MUC5AC: variants seen among roughly 807,000 people sequenced by gnomAD.
MUC5AC encodes the protein mucin-5AC.
Under a neutral mutation model 169.7 loss-of-function variants are expected in MUC5AC, and 158 were observed. The ratio of observed to expected loss-of-function variants is 0.93; its 90% confidence interval spans 0.82 to 1.06. MUC5AC has a LOEUF of 1.06. Among genes scored for constraint, MUC5AC ranks in the 50% least tolerant of loss-of-function variants. The probability of loss-of-function intolerance (pLI) is 0.00; values close to 1 mark genes in which losing one functional copy is unlikely to be tolerated. For missense variants in MUC5AC, 4,359 were observed against 3,089.9 expected, an observed-to-expected ratio of 1.41 and a Z score of -9.74; for synonymous variants, 1,975 against 1,237.0, an observed-to-expected ratio of 1.60 and a Z score of -12.52.
At chr11:1,180,599 A>T (rs1439292411) in intron 28 of MUC5AC, 83 bp downstream of exon 28, 1 of 398,492 alleles carries the variant, frequency 2.5e-6, no homozygotes, top group Non-Finnish European at 4.4e-6. Context: ...TGGGGCTGGG[A>T]GCGGCAGGGC....
rs72846342 is a variant in MUC5AC, at chr11:1,192,341, G to T, written c.14196G>T (p.Pro4732=). ...VLCCETPRGC[P]VTSVTPYGTS... is the part of the protein sequence containing the mutation. ...GCTGCGAGACCCCCAGAGGCTGCCCGGTGACCTCTGTGACCCCATATGGGA... is the reference window on the plus strand; with the variant it reads ...GCTGCGAGACCCCCAGAGGCTGCCCTGTGACCTCTGTGACCCCATATGGGA... Residue 4732 remains proline, a synonymous_variant, in exon 31 of 49, where the codon CCG becomes CCT. Coordinates refer to ENST00000621226, the MANE Select transcript of MUC5AC (RefSeq NM_001304359.2). The T allele has an allele frequency of 2.6e-6, 2 of 765,068 alleles. No homozygotes were observed. The highest frequency in any genetic ancestry group is 4.8e-6 in the Non-Finnish European group (2 of 417,880). 47.4% of individuals were successfully genotyped at this position (765,068 alleles called of 1,614,324 possible).
At chr11:1,196,829 C>T in intron 39 of MUC5AC, 48 bp from the exon 40 acceptor site, 1 of 756,072 alleles carries the variant, frequency 1.3e-6, no homozygotes, top group South Asian at 1.4e-5. Context: ...CCTCTCGCCC[C>T]TATTGTGGTG....
intron 15 of MUC5AC, among the ~76,000 whole-genome samples, chr11:1,171,137 T>TCACTCACC: frequency 7.5e-6 from 1 of 133,392 alleles, no homozygotes; most frequent in African/African-American, 2.9e-5. Flanking sequence ...TTCACCTCAC[T>TCACTCACC]CACTCACCCA....
At position 1,197,647 on chromosome 11, in the gene MUC5AC, C is replaced by G. The variant is rs970346181; in HGVS notation, c.16033+8C>G. 4.3e-6 allele frequency: 3 copies of G among 695,238 alleles called. No individual in the cohort carries two copies. The highest frequency in any genetic ancestry group is 7.9e-6 in the Non-Finnish European group (3 of 378,484). 43.1% of individuals were successfully genotyped at this position (695,238 alleles called of 1,614,324 possible). A position where few individuals can be genotyped will look rare whatever the true frequency, so the allele number is the denominator to read the frequency against. ...GCCCCCAGTACAGCTGCGGTAAGCCCTTTGCTGGGTGAGGGGCATGGTGTG... is the reference window on the plus strand; with the variant it reads ...GCCCCCAGTACAGCTGCGGTAAGCCGTTTGCTGGGTGAGGGGCATGGTGTG... On this transcript the variant is annotated splice_region_variant and intron_variant, in intron 41 of 48. Coordinates refer to ENST00000621226, the MANE Select transcript of MUC5AC (RefSeq NM_001304359.2).
intron 15 of MUC5AC, among the ~76,000 whole-genome samples, chr11:1,169,708 C>T (rs1860441919): frequency 6.9e-6 from 1 of 144,972 alleles, no homozygotes; most frequent in Non-Finnish European, 1.5e-5. Context: ...ACTCACTCAC[C>T]TCACTCACTG....
intron 37 of MUC5AC, 92 bp downstream of exon 37, chr11:1,196,146 G>C (rs1208349462): frequency 4.7e-6 from 3 of 635,722 alleles, no homozygotes; most frequent in Non-Finnish European, 8.5e-6. Flanking sequence ...GGGCAGTCAG[G>C]GGGGGACCTG....
chr11:1,161,770 A>G (rs2133714324), intron 3 of MUC5AC, 137 bp from the exon 4 acceptor site: 1 of 1,363,934 alleles, frequency 7.3e-7, no homozygotes, highest in African/African-American at 1.5e-5. Flanking sequence ...TGCAGGAAGG[A>G]CCCCTGGGTG....
rs765832301 is a variant in MUC5AC at position 1,196,368 on chromosome 11, G to A, written c.15638-20G>A. 2.6e-6 allele frequency: 2 copies of A among 764,414 alleles called. No individual in the cohort carries two copies. The highest frequency in any genetic ancestry group is 1.7e-5 in the Admixed American group (1 of 58,968). The allele number at this position is 764,414 out of a possible 1,614,324, so 47.4% of individuals were successfully genotyped here. A position where few individuals can be genotyped will look rare whatever the true frequency, so the allele number is the denominator to read the frequency against. On this transcript the variant is annotated intron_variant, in intron 37 of 48. Transcript: ENST00000621226. Reference sequence around the variant, plus strand: ...TGGGTGCCCTCCCACCCTCTCAGGTGTGGCTTCCCCTCCCCACAGCATTCA... The same window carrying A: ...TGGGTGCCCTCCCACCCTCTCAGGTATGGCTTCCCCTCCCCACAGCATTCA...
At position 1,162,686 on chromosome 11, in the gene MUC5AC, C is replaced by T. The variant is rs1024490543; in HGVS notation, c.588+40C>T. The T allele has an allele frequency of 9.5e-6, 15 of 1,575,368 alleles. No individual in the cohort carries two copies. The African/African-American group carries it at 1.5e-4, about 16-fold the overall frequency. The stretch of plus-strand genomic sequence containing the variant: ...GGGTGTCCCGGTGTGCAACTCCAGC[C>T]CTCGAGGGCCGGCCTGCTCCCACAG... On this transcript the variant is annotated intron_variant, in intron 5 of 48. Coordinates refer to ENST00000621226, the MANE Select transcript of MUC5AC (RefSeq NM_001304359.2).
At position 1,197,584 on chromosome 11, in the gene MUC5AC, C is replaced by A. The variant is rs56138795; in HGVS notation, c.15978C>A (p.Phe5326Leu). ...PLPPACPLPG[F>L]VPVPAAPQAG... is the part of the protein sequence containing the mutation. Reference sequence around the variant, plus strand: ...CCCCTGCCTGCCCCCTGCCCGGCTTCGTGCCTGTGCCTGCAGCCCCACAGG... The same window carrying A: ...CCCCTGCCTGCCCCCTGCCCGGCTTAGTGCCTGTGCCTGCAGCCCCACAGG... The change falls in exon 41 of 49, where the codon TTC becomes TTA. Residue 5326 changes from phenylalanine to leucine, a missense_variant. Physicochemically the swap from Phe to Leu is conservative, Grantham distance 22. Transcript: ENST00000621226. 7.7e-5 allele frequency: 56 copies of A among 723,618 alleles called. 1 individual carries two copies. Among genetic ancestry groups the A allele is most frequent in the Middle Eastern group, 6.7e-4 (2 of 2,964 alleles). 44.8% of individuals were successfully genotyped at this position (723,618 alleles called of 1,614,324 possible).
At position 1,164,471 on chromosome 11, in the gene MUC5AC, C is replaced by T. The variant is rs1244085099; in HGVS notation, c.1068C>T (p.Ser356=). The T allele has an allele frequency of 3.1e-6, 5 of 1,611,842 alleles. No homozygotes were observed. In the African/African-American group the frequency reaches 5.3e-5, roughly 17 times the overall value. ...GCTCCCCCTGCGCAGACACCTGCTC[C>T]AACCAGGAGCACTCCCGGGCCTGTG... The part of the protein sequence containing the change: ...ECRSPCADTC[S]NQEHSRACED... Residue 356 remains serine (S), a synonymous_variant, in exon 9 of 49, where the codon TCC becomes TCT. Transcript: ENST00000621226.
In MUC5AC at chr11:1,189,332, C is replaced by T. The variant is rs1214127361; in HGVS notation, c.11187C>T (p.Thr3729=). Residue 3729 remains threonine, a synonymous_variant, in exon 31 of 49, where the codon ACC becomes ACT. Coordinates refer to ENST00000621226, the MANE Select transcript of MUC5AC (RefSeq NM_001304359.2). ...TTSSAPTSST[T]SAPTTSTISA... is the part of the protein sequence containing the mutation. ...CCTCTGCCCCTACAAGCAGCACAACCTCGGCTCCTACCACCAGCACAATCT... is the reference window on the plus strand; with the variant it reads ...CCTCTGCCCCTACAAGCAGCACAACTTCGGCTCCTACCACCAGCACAATCT... 1.7e-6 allele frequency: 1 copy of T among 577,614 alleles called. No individual in the cohort carries two copies. The highest frequency in any genetic ancestry group is 3.1e-6 in the Non-Finnish European group (1 of 325,942). 35.8% of individuals were successfully genotyped at this position (577,614 alleles called of 1,614,324 possible).
chr11:1,162,197 C>A (rs765061479), intron 4 of MUC5AC, 29 bp downstream of exon 4: 21 of 1,599,290 alleles, frequency 1.3e-5, no homozygotes, highest in African/African-American at 4.0e-5. Flanking sequence ...ATGGTGGGGG[C>A]CACGCGGCGT....
At chr11:1,194,942 G>A in intron 35 of MUC5AC, 70 bp from the exon 36 acceptor site, 1 of 655,378 alleles carries the variant, frequency 1.5e-6, no homozygotes, top group East Asian at 2.7e-5. Flanking sequence ...CCAGGGTCCT[G>A]TCCCCCAGCT....
rs548752349 is a variant in MUC5AC at position 1,194,156 on chromosome 11, C to G, written c.14802C>G (p.Gly4934=). ...ACCCCCACTACATCACCTTCGACGGCACCTACTACACCTTCCTGGACAACT... is the reference window on the plus strand; with the variant it reads ...ACCCCCACTACATCACCTTCGACGGGACCTACTACACCTTCCTGGACAACT... The part of the protein sequence containing the change: ...WGDPHYITFD[G]TYYTFLDNCT... Residue 4934 remains glycine, a synonymous_variant, in exon 34 of 49, where the codon GGC becomes GGG. Transcript: ENST00000621226. 1 of 765,080 alleles carries G rather than the reference C, an allele frequency of 1.3e-6. No homozygotes were observed. Among genetic ancestry groups the G allele is most frequent in the Admixed American group, 1.7e-5 (1 of 59,042 alleles). 47.4% of individuals were successfully genotyped at this position (765,080 alleles called of 1,614,324 possible). A position where few individuals can be genotyped will look rare whatever the true frequency, so the allele number is the denominator to read the frequency against.
Position 1,186,228 on chromosome 11 carries a change from G to T in MUC5AC, c.8083G>T (p.Gly2695Cys). 2 of 752,356 alleles carry T rather than the reference G, an allele frequency of 2.7e-6. No individual in the cohort carries two copies. The highest frequency in any genetic ancestry group is 4.9e-6 in the Non-Finnish European group (2 of 411,592). 46.6% of individuals were successfully genotyped at this position (752,356 alleles called of 1,614,324 possible). A position where few individuals can be genotyped will look rare whatever the true frequency, so the allele number is the denominator to read the frequency against. Residue 2695 changes from glycine to cysteine, a missense_variant, in exon 31 of 49, where the codon GGT becomes TGT. Physicochemically the swap from Gly to Cys is radical, Grantham distance 159. Coordinates refer to ENST00000621226, the MANE Select transcript of MUC5AC (RefSeq NM_001304359.2). The stretch of plus-strand genomic sequence containing the variant: ...TGCTTCTACAACCAGCACAACCTCT[G>T]GTCCTGGAACTACTCCCAGCCCTGT... ...TSASTTSTTS[G>C]PGTTPSPVPT...
Position 1,190,367 on chromosome 11 carries a change from C to A in MUC5AC, c.12222C>A (p.Ala4074=). The change falls in exon 31 of 49, where the codon GCC becomes GCA. Residue 4074 remains alanine (A), a synonymous_variant. Coordinates refer to ENST00000621226, the MANE Select transcript of MUC5AC (RefSeq NM_001304359.2). ...CTCCTAGCACCCCTAGTGGGAGAGC[C>A]ACCAGCCCAACTCAGAGCACTTCCT... The part of the protein sequence containing the change: ...VTAPSTPSGR[A]TSPTQSTSSW... 3.1e-6 allele frequency: 2 copies of A among 653,078 alleles called. No individual in the cohort carries two copies. The highest frequency in any genetic ancestry group is 2.8e-6 in the Non-Finnish European group (1 of 360,878). The allele number at this position is 653,078 out of a possible 1,614,324, so 40.5% of individuals were successfully genotyped here.
intron 37 of MUC5AC, 94 bp from the exon 38 acceptor site, chr11:1,196,294 G>A: frequency 2.8e-6 from 2 of 721,628 alleles, no homozygotes; most frequent in Non-Finnish European, 5.1e-6. Flanking sequence ...GGTGGCTGCG[G>A]GCAGCTCCGG....
At chr11:1,167,782 G>T in intron 11 of MUC5AC, 95 bp from the exon 12 acceptor site, 1 of 1,069,386 alleles carries the variant, frequency 9.4e-7, no homozygotes, top group South Asian at 1.4e-5. Context: ...GGGTTTTCTA[G>T]TGAGGGAGAG....
Sources: gnomAD v4.1 joint callset for allele counts (sites outside exome capture counted in the v4.1 genomes callset) on GRCh38, gnomAD v4.1.1 for gene constraint, MANE v1.5 for transcripts, NCBI Gene and HGNC (gene_info 2026-07-23, HGNC 2026-07-21) for gene names.